Variants in C8orf34 observed in about 807,000 individuals in gnomAD.
The protein encoded by C8orf34 is uncharacterized protein C8orf34.
Under a neutral mutation model 68.3 loss-of-function variants are expected in C8orf34, and 65 were observed. That is an observed-to-expected ratio of 0.95 (90% confidence interval 0.78 to 1.17). The LOEUF is 1.17. Among genes scored for constraint, C8orf34 ranks in the 50% most tolerant of loss-of-function variants. C8orf34 has a pLI of 0.00. For synonymous variants in C8orf34, 244 were observed against 241.2 expected (o/e 1.01, Z -0.11); for missense variants, 664 against 655.4 (o/e 1.01, Z -0.14).
At chr8:68,792,884 T>G (rs1824051266) in intron 12 of C8orf34, among the ~76,000 whole-genome samples, 1 of 151,996 alleles carries the variant, frequency 6.6e-6, no homozygotes, top group African/African-American at 2.4e-5. Flanking sequence ...TATGAGTGTG[T>G]GTGTGTATGT....
intron 9 of C8orf34, among the ~76,000 whole-genome samples, chr8:68,719,462 A>C (rs992416164): frequency 2.0e-5 from 3 of 152,072 alleles, no homozygotes; most frequent in Non-Finnish European, 2.9e-5. Context: ...TTTGTTAAAA[A>C]GTTAATACTG....
At chr8:68,679,321 T>C (rs1036270957) in intron 8 of C8orf34, among the ~76,000 whole-genome samples, 3 of 151,312 alleles carry the variant, frequency 2.0e-5, no homozygotes, top group Non-Finnish European at 4.4e-5. Flanking sequence ...AAACAAAAGC[T>C]ATTAATAAAA....
At chr8:68,700,358 G>A (rs889470801) in intron 8 of C8orf34, among the ~76,000 whole-genome samples, 1 of 152,010 alleles carries the variant, frequency 6.6e-6, no homozygotes, top group Non-Finnish European at 1.5e-5. Flanking sequence ...GTGTCAAGTT[G>A]GAATGATCAA....
At chr8:68,552,295 G>C (rs7831426) in intron 7 of C8orf34, among the ~76,000 whole-genome samples, 7 of 152,012 alleles carry the variant, frequency 4.6e-5, no homozygotes, top group African/African-American at 9.7e-5. Flanking sequence ...AATTTGGGAA[G>C]TATTACCTAT....
chr8:68,699,281 C>T lies in C8orf34; in HGVS notation c.1242-9713C>T, dbSNP rs982959235. On this transcript the variant is annotated intron_variant, in intron 8 of 13. Transcript: ENST00000518698. ...AAAGCAGGCTGAAAGCACACTCACA[C>T]TTCACCAGATCCTTTTATAGACATG... 2.6e-5 allele frequency among the ~76,000 whole-genome samples: 4 copies of T among 152,026 alleles called. No individual in the cohort carries two copies. The East Asian group carries it at 5.9e-4, about 22-fold the overall frequency.
chr8:68,788,546 A>G (rs1300337868), intron 12 of C8orf34, among the ~76,000 whole-genome samples: 1 of 152,108 alleles, frequency 6.6e-6, no homozygotes, highest in Non-Finnish European at 1.5e-5. Context: ...TTGAAGGAAA[A>G]CAGCAACCAT....
intron 7 of C8orf34, among the ~76,000 whole-genome samples, chr8:68,608,016 A>T (rs1231956728): frequency 6.6e-6 from 1 of 151,886 alleles, no homozygotes. Flanking sequence ...TCAAAAAATG[A>T]ACAGATAGTA....
chr8:68,502,019 G>A (rs547350804), intron 5 of C8orf34, among the ~76,000 whole-genome samples: 80 of 151,820 alleles, frequency 5.3e-4, no homozygotes, highest in African/African-American at 1.8e-3. Flanking sequence ...TTAGTACTCC[G>A]TGTGTGTGTG....
intron 8 of C8orf34, among the ~76,000 whole-genome samples, chr8:68,642,505 G>A (rs1002467975): frequency 3.9e-5 from 6 of 152,116 alleles, no homozygotes; most frequent in African/African-American, 1.4e-4. Context: ...TGCATACTAG[G>A]AAAACTCATG....
At chr8:68,799,626 G>A (rs957855604) in intron 12 of C8orf34, among the ~76,000 whole-genome samples, 8 of 152,204 alleles carry the variant, frequency 5.3e-5, no homozygotes, top group African/African-American at 1.9e-4. Flanking sequence ...CCCCCTTAAA[G>A]CAATCATATT....
chr8:68,389,979 G>A (rs940075626), intron 1 of C8orf34, among the ~76,000 whole-genome samples: 2 of 152,032 alleles, frequency 1.3e-5, no homozygotes, highest in African/African-American at 4.8e-5. Context: ...AAGCATTTTG[G>A]TGAGCTGCAG....
intron 1 of C8orf34, among the ~76,000 whole-genome samples, chr8:68,385,240 G>A (rs1331755455): frequency 6.6e-6 from 1 of 152,070 alleles, no homozygotes; most frequent in Non-Finnish European, 1.5e-5. Context: ...TAAGGACATG[G>A]AGGCACAGAG....
At chr8:68,366,469 G>T (rs1807261300) in intron 1 of C8orf34, among the ~76,000 whole-genome samples, 1 of 144,396 alleles carries the variant, frequency 6.9e-6, no homozygotes, top group Non-Finnish European at 1.5e-5. Flanking sequence ...AACAAAGCTG[G>T]AGGCATCACA....
chr8:68,530,633 C>A, intron 6 of C8orf34: 1 of 1,224,480 alleles, frequency 8.2e-7, no homozygotes, highest in Non-Finnish European at 1.0e-6. Flanking sequence ...GGACAGATGC[C>A]ATGGCAAGAG....
chr8:68,415,513 G>A (rs72664939), intron 1 of C8orf34, among the ~76,000 whole-genome samples: 2,196 of 152,190 alleles, frequency 0.014, 53 homozygotes, highest in African/African-American at 0.046. Flanking sequence ...TGTATGGAGA[G>A]ATAAAAGACA....
chr8:68,469,416 A>T (rs1409413259), intron 4 of C8orf34, among the ~76,000 whole-genome samples: 1 of 152,056 alleles, frequency 6.6e-6, no homozygotes, highest in Non-Finnish European at 1.5e-5. Flanking sequence ...CCAAAGCAGA[A>T]AGACATGATT....
intron 7 of C8orf34, among the ~76,000 whole-genome samples, chr8:68,636,707 G>C (rs960525149): frequency 1.4e-4 from 22 of 152,138 alleles, no homozygotes; most frequent in African/African-American, 4.1e-4. Flanking sequence ...ACTACTTGAT[G>C]ATTGTTCTGT....
At chr8:68,399,755 G>A (rs967726735) in intron 1 of C8orf34, among the ~76,000 whole-genome samples, 9 of 152,202 alleles carry the variant, frequency 5.9e-5, no homozygotes, top group Non-Finnish European at 1.0e-4. Context: ...CATAGAAGTT[G>A]TAGTAATTAC....
At chr8:68,673,504 T>G (rs1820084560) in intron 8 of C8orf34, among the ~76,000 whole-genome samples, 1 of 152,076 alleles carries the variant, frequency 6.6e-6, no homozygotes, top group Non-Finnish European at 1.5e-5. Flanking sequence ...CAGGCAGTAT[T>G]TGCTACGAGC....
Sources: gnomAD v4.1 joint callset for allele counts (sites outside exome capture counted in the v4.1 genomes callset) on GRCh38, gnomAD v4.1.1 for gene constraint, MANE v1.5 for transcripts, NCBI Gene and HGNC (gene_info 2026-07-23, HGNC 2026-07-21) for gene names.